The following ANKUB1 variants were observed in gnomAD, a reference collection of about 807,000 sequenced individuals.
The protein encoded by ANKUB1 is protein ANKUB1.
ANKUB1 carries 42 observed loss-of-function variants against 49.3 expected under a neutral mutation model. That is an observed-to-expected ratio of 0.85 (90% CI 0.67 to 1.10). The LOEUF (loss-of-function observed/expected upper bound fraction) is 1.10. Among genes scored for constraint, ANKUB1 ranks in the 50% least tolerant of loss-of-function variants. The probability of loss-of-function intolerance (pLI) is 0.00; values close to 1 mark genes in which losing one functional copy is unlikely to be tolerated. For synonymous variants in ANKUB1, 222 were observed against 231.0 expected (o/e 0.96, Z 0.35); for missense variants, 613 against 642.0 (o/e 0.95, Z 0.49).
intron 1 of ANKUB1, 54 bp from the exon 2 acceptor site, chr3:149,790,978 A>G: frequency 1.3e-6 from 2 of 1,488,630 alleles, no homozygotes; most frequent in Non-Finnish European, 9.0e-7. Flanking sequence ...TTACTAGACC[A>G]GAAATGTACT....
chr3:149,789,960 A>C (rs1390525772), intron 2 of ANKUB1, among the ~76,000 whole-genome samples: 1 of 152,226 alleles, frequency 6.6e-6, no homozygotes, highest in African/African-American at 2.4e-5. Flanking sequence ...TAAAAGAAAG[A>C]GTTAACTTTG....
At chr3:149,775,763 T>C (rs1371951408) in intron 3 of ANKUB1, among the ~76,000 whole-genome samples, 1 of 151,966 alleles carries the variant, frequency 6.6e-6, no homozygotes, top group Non-Finnish European at 1.5e-5. Context: ...ATATGTGAAA[T>C]AAAAACAGAA....
intron 2 of ANKUB1, among the ~76,000 whole-genome samples, chr3:149,788,663 T>C (rs1042541660): frequency 1.3e-5 from 2 of 152,230 alleles, no homozygotes; most frequent in African/African-American, 2.4e-5. Context: ...TGATATATGA[T>C]GCTTTATTGG....
At chr3:149,772,214 T>C (rs1717398250) in intron 3 of ANKUB1, among the ~76,000 whole-genome samples, 1 of 151,966 alleles carries the variant, frequency 6.6e-6, no homozygotes, top group Non-Finnish European at 1.5e-5. Context: ...AGAGAAGGGG[T>C]TTCACCATGT....
chr3:149,762,320 A>G (rs1716816269), intron 5 of ANKUB1, among the ~76,000 whole-genome samples: 1 of 152,190 alleles, frequency 6.6e-6, no homozygotes, highest in South Asian at 2.1e-4. Flanking sequence ...TATTCATCCC[A>G]TAGACACTTC....
chr3:149,761,514 C>G lies in ANKUB1; in HGVS notation c.1605G>C (p.Ala535=). The G allele has an allele frequency of 2.6e-6, 4 of 1,551,080 alleles. No individual in the cohort carries two copies. The highest frequency in any genetic ancestry group is 2.6e-6 in the Non-Finnish European group (3 of 1,146,708). Reference sequence around the variant, plus strand: ...GCACAGTTTCTAGAGAGTTTTCACACGCTGTCAGACCTCCTCGGGTAGTCA... The same window carrying G: ...GCACAGTTTCTAGAGAGTTTTCACAGGCTGTCAGACCTCCTCGGGTAGTCA... ...SNLTTRGGLT[A]CENSLETVL is the part of the protein sequence containing the mutation. Residue 535 remains alanine, a synonymous_variant, in exon 6 of 6, where the codon GCG becomes GCC. Coordinates refer to ENST00000446160, the MANE Select transcript of ANKUB1 (RefSeq NM_001144960.3).
At chr3:149,768,214 C>T (rs999622498) in intron 4 of ANKUB1, 119 bp from the exon 5 acceptor site, 2 of 791,620 alleles carry the variant, frequency 2.5e-6, no homozygotes, top group African/African-American at 3.5e-5. Context: ...TTAACTTTTA[C>T]CTTAAAATAT....
intron 2 of ANKUB1, among the ~76,000 whole-genome samples, chr3:149,785,595 C>CT (rs1451091407): frequency 6.6e-6 from 1 of 152,120 alleles, no homozygotes; most frequent in African/African-American, 2.4e-5. Context: ...TGAACTCATC[C>CT]TTTTTTATGG....
intron 2 of ANKUB1, among the ~76,000 whole-genome samples, chr3:149,784,672 A>G (rs1184339983): frequency 1.3e-5 from 2 of 152,190 alleles, no homozygotes; most frequent in Non-Finnish European, 2.9e-5. Context: ...TGCTTAAATT[A>G]TCTAGACTTT....
intron 3 of ANKUB1, among the ~76,000 whole-genome samples, chr3:149,776,867 C>T (rs574388442): frequency 5.9e-5 from 9 of 152,154 alleles, no homozygotes; most frequent in African/African-American, 2.2e-4. Flanking sequence ...GTCCCAGCTA[C>T]TCAGGAGGCT....
chr3:149,778,083 C>T (rs1717683566), intron 3 of ANKUB1, among the ~76,000 whole-genome samples: 1 of 152,112 alleles, frequency 6.6e-6, no homozygotes, highest in South Asian at 2.1e-4. Flanking sequence ...CTCTTTTTAC[C>T]TTCTAGTTTT....
intron 2 of ANKUB1, among the ~76,000 whole-genome samples, chr3:149,784,997 C>T (rs1249448720): frequency 6.6e-6 from 1 of 152,086 alleles, no homozygotes; most frequent in Non-Finnish European, 1.5e-5. Context: ...CTTAAGCAAT[C>T]GTTTCCATGA....
At chr3:149,766,582 T>C in intron 5 of ANKUB1, 1 of 399,816 alleles carries the variant, frequency 2.5e-6, no homozygotes, top group Admixed American at 3.5e-5. Flanking sequence ...GGAGGATCGC[T>C]TGAGCCCAGG....
Position 149,767,784 on chromosome 3 carries a change from A to G in ANKUB1, c.878T>C (p.Leu293Ser), listed in dbSNP as rs775492916. The G allele has an allele frequency of 2.6e-6, 4 of 1,551,630 alleles. No individual in the cohort carries two copies. The highest frequency in any genetic ancestry group is 2.4e-5 in the East Asian group (1 of 40,936). Residue 293 changes from leucine (L) to serine (S), a missense_variant, in exon 5 of 6, where the codon TTG becomes TCG. Leu to Ser is a moderately radical substitution (Grantham distance 145). Transcript: ENST00000446160. Reference protein sequence around the residue: ...KHKHKDCVLYLLSKMWSTVSF... With the variant: ...KHKHKDCVLYSLSKMWSTVSF... ...AACTGTGGACCACATTTTACTGAGC[A>G]AATATAATACACAGTCTTTATGCTT...
At chr3:149,762,813 A>G (rs554317037) in intron 5 of ANKUB1, among the ~76,000 whole-genome samples, 1 of 151,890 alleles carries the variant, frequency 6.6e-6, no homozygotes, top group Admixed American at 6.6e-5. Flanking sequence ...GATGCAGTCT[A>G]CTTTGCCAGT....
chr3:149,766,826 C>CAGCAGCAGCAGCAGCAGA, intron 5 of ANKUB1: 1 of 613,606 alleles, frequency 1.6e-6, no homozygotes, highest in Non-Finnish European at 2.2e-6. Flanking sequence ...AAAGCAGCAG[C>CAGCAGCAGCAGCAGCAGA]AGCAGCAGCA....
chr3:149,778,370 G>A (rs1419362160), intron 3 of ANKUB1: 1 of 152,134 alleles, frequency 6.6e-6, no homozygotes, highest in Non-Finnish European at 1.5e-5. Context: ...CACATGCTGA[G>A]CAAGTCATTT....
intron 3 of ANKUB1, 23 bp downstream of exon 3, chr3:149,780,216 A>G (rs758668980): frequency 2.6e-6 from 4 of 1,542,884 alleles, no homozygotes; most frequent in African/African-American, 1.4e-5. Flanking sequence ...ATGGTAGCTG[A>G]TATCAAATAT....
intron 2 of ANKUB1, among the ~76,000 whole-genome samples, chr3:149,789,877 C>G (rs1029059818): frequency 7.9e-5 from 12 of 152,026 alleles, no homozygotes; most frequent in African/African-American, 1.7e-4. Context: ...ATCTTCCCAC[C>G]CAGGTGTGAG....
Sources: allele counts gnomAD v4.1 joint callset (sites outside exome capture counted in the v4.1 genomes callset), GRCh38; gene constraint gnomAD v4.1.1; transcripts MANE v1.5; gene names NCBI Gene and HGNC (gene_info 2026-07-23, HGNC 2026-07-21).